VAC14: variants seen among roughly 807,000 people sequenced by gnomAD.
VAC14 encodes the protein VAC14 component of PIKFYVE complex.
In VAC14, 47 loss-of-function variants were observed where a neutral mutation model predicts 85.3. That is an observed-to-expected ratio of 0.55 (90% confidence interval 0.44 to 0.70). The LOEUF is 0.70. Among genes scored for constraint, VAC14 ranks in the 30% least tolerant of loss-of-function variants. The pLI is 0.00. For synonymous variants in VAC14, 447 were observed against 430.5 expected (o/e 1.04, Z -0.47); for missense variants, 861 against 1,004.3 (o/e 0.86, Z 1.93).
intron 15 of VAC14, 46 bp from the exon 16 acceptor site, chr16:70,697,303 C>T: frequency 2.6e-6 from 4 of 1,539,892 alleles, no homozygotes; most frequent in South Asian, 2.3e-5. Context: ...CTGCTCCTTG[C>T]CCCTACCCGG....
At chr16:70,689,874 A>C in intron 18 of VAC14, 1 of 985,498 alleles carries the variant, frequency 1.0e-6, no homozygotes, top group Non-Finnish European at 1.2e-6. Context: ...TGGACTTCTA[A>C]GGAGGCCAAG....
intron 12 of VAC14, among the ~76,000 whole-genome samples, chr16:70,754,388 G>A (rs2031655486): frequency 6.6e-6 from 1 of 152,208 alleles, no homozygotes; most frequent in Non-Finnish European, 1.5e-5. Context: ...TGAACCCCCA[G>A]CAGTGGCTGC....
intron 14 of VAC14, among the ~76,000 whole-genome samples, chr16:70,717,451 A>T (rs941018670): frequency 1.3e-5 from 2 of 152,146 alleles, no homozygotes; most frequent in South Asian, 4.1e-4. Context: ...TTCTTTTTTT[A>T]AAAAAGTATA....
At chr16:70,774,592 G>A (rs992812539) in intron 9 of VAC14, among the ~76,000 whole-genome samples, 2 of 152,154 alleles carry the variant, frequency 1.3e-5, no homozygotes, top group African/African-American at 4.8e-5. Flanking sequence ...CCCAGTGATT[G>A]ACCGCAGCAC....
intron 1 of VAC14, among the ~76,000 whole-genome samples, 157 bp downstream of exon 1, chr16:70,800,640 T>C (rs1015411809): frequency 5.3e-5 from 8 of 152,164 alleles, no homozygotes; most frequent in Non-Finnish European, 1.0e-4. Flanking sequence ...AAGCAGGGAC[T>C]CCCAGATATG....
intron 12 of VAC14, among the ~76,000 whole-genome samples, chr16:70,754,800 G>C (rs2031695770): frequency 6.6e-6 from 1 of 152,204 alleles, no homozygotes; most frequent in Non-Finnish European, 1.5e-5. Flanking sequence ...ATTGAGGTGG[G>C]GGTGGAGGGG....
At chr16:70,731,301 C>T (rs2054582414) in intron 14 of VAC14, 194 bp downstream of exon 14, 1 of 1,417,042 alleles carries the variant, frequency 7.1e-7, no homozygotes, top group South Asian at 1.7e-5. Context: ...CAACACTGAC[C>T]TGTCTGTTTC....
chr16:70,751,141 G>C (rs1265577435), intron 12 of VAC14, among the ~76,000 whole-genome samples: 2 of 152,214 alleles, frequency 1.3e-5, no homozygotes, highest in East Asian at 3.9e-4. Context: ...TAAGAAACTT[G>C]GTCAAACGTT....
intron 1 of VAC14, among the ~76,000 whole-genome samples, chr16:70,789,057 G>C (rs2034203312): frequency 6.6e-6 from 1 of 152,252 alleles, no homozygotes; most frequent in Admixed American, 6.5e-5. Context: ...TGAAACCTGA[G>C]AACAGTAACA....
intron 1 of VAC14, among the ~76,000 whole-genome samples, chr16:70,788,733 G>C (rs1567609242): frequency 6.6e-6 from 1 of 152,208 alleles, no homozygotes; most frequent in African/African-American, 2.4e-5. Context: ...CCTGCCATGC[G>C]GGCGGCCGGG....
chr16:70,739,796 G>A (rs1204946479), intron 13 of VAC14, among the ~76,000 whole-genome samples: 2 of 152,192 alleles, frequency 1.3e-5, no homozygotes, highest in South Asian at 2.1e-4. Context: ...ACTTGTTTCT[G>A]TCTGGTGACA....
intron 14 of VAC14, among the ~76,000 whole-genome samples, chr16:70,728,837 G>C (rs779332456): frequency 6.6e-6 from 1 of 152,200 alleles, no homozygotes; most frequent in Non-Finnish European, 1.5e-5. Context: ...AGCTCATCAT[G>C]AGTACTGATG....
intron 10 of VAC14, chr16:70,771,744 T>C (rs2033236703): frequency 5.2e-6 from 1 of 193,366 alleles, no homozygotes; most frequent in African/African-American, 2.3e-5. Flanking sequence ...CAGGCCCAGA[T>C]AATTTTTTGT....
intron 1 of VAC14, among the ~76,000 whole-genome samples, chr16:70,800,499 G>C (rs573317104): frequency 1.5e-4 from 23 of 152,246 alleles, no homozygotes; most frequent in African/African-American, 5.1e-4. Context: ...GCACCGCACC[G>C]AAGACTCACC....
chr16:70,696,445 G>A (rs1395564437), intron 16 of VAC14, among the ~76,000 whole-genome samples: 2 of 152,160 alleles, frequency 1.3e-5, no homozygotes, highest in Non-Finnish European at 2.9e-5. Context: ...CCCAGGAGGC[G>A]GAGGTTGCAA....
Position 70,780,815 on chromosome 16 carries a change from C to A in VAC14, c.1071G>T (p.Leu357=), listed in dbSNP as rs2033773261. The A allele has an allele frequency of 6.2e-7, 1 of 1,608,096 alleles. No homozygotes were observed. Among genetic ancestry groups the A allele is most frequent in the Admixed American group, 1.7e-5 (1 of 59,738 alleles). ...RQAEPTPDDA[L]PKQEGTASGG... The stretch of plus-strand genomic sequence containing the variant: ...CACTGGCTGTGCCCTCCTGCTTTGG[C>A]AGGGCATCGTCAGGGGTGGGCTCTG... Residue 357 remains leucine, a synonymous_variant, in exon 9 of 19, where the codon CTG becomes CTT. Coordinates refer to ENST00000261776, the MANE Select transcript of VAC14 (RefSeq NM_018052.5).
chr16:70,776,863 A>G, intron 9 of VAC14, among the ~76,000 whole-genome samples: 1 of 147,414 alleles, frequency 6.8e-6, no homozygotes, highest in Non-Finnish European at 1.5e-5. Context: ...CCTATGCTGC[A>G]GTGGTGTGAT....
chr16:70,729,436 G>A (rs563357444), intron 14 of VAC14, among the ~76,000 whole-genome samples: 1 of 152,204 alleles, frequency 6.6e-6, no homozygotes, highest in Non-Finnish European at 1.5e-5. Flanking sequence ...CAATTCTGCG[G>A]CCCCATCCCC....
chr16:70,723,854 G>A (rs928135273), intron 14 of VAC14, among the ~76,000 whole-genome samples: 8 of 152,240 alleles, frequency 5.3e-5, no homozygotes, highest in Admixed American at 1.3e-4. Flanking sequence ...GGTGGCCACC[G>A]AGGAGGGGAG....
Sources: allele counts gnomAD v4.1 joint callset (sites outside exome capture counted in the v4.1 genomes callset), GRCh38; gene constraint gnomAD v4.1.1; transcripts MANE v1.5; gene names NCBI Gene and HGNC (gene_info 2026-07-23, HGNC 2026-07-21).